CUL3: variants seen among roughly 807,000 people sequenced by gnomAD.
CUL3 encodes the protein cullin 3.
CUL3 carries 19 observed loss-of-function variants against 89.1 expected under a neutral mutation model. The ratio of observed to expected loss-of-function variants is 0.21; its 90% CI spans 0.15 to 0.31. CUL3 has a LOEUF of 0.31. Ranked by LOEUF, CUL3 falls within the 10% of genes least tolerant of loss-of-function variation. CUL3 has a pLI of 1.00. For missense variants in CUL3, 469 were observed against 942.3 expected (o/e 0.50, Z 6.58); for synonymous variants, 351 against 308.4 (o/e 1.14, Z -1.45).
intron 15 of CUL3, among the ~76,000 whole-genome samples, chr2:224,475,428 G>A (rs10933065): frequency 0.2 from 30,993 of 152,146 alleles, 3,437 homozygotes; most frequent in African/African-American, 0.24. Context: ...AGCCAACAGA[G>A]ATGAATCTAA....
At chr2:224,533,153 G>C (rs747987341) in intron 3 of CUL3, 1 of 152,170 alleles carries the variant, frequency 6.6e-6, no homozygotes, top group Non-Finnish European at 1.5e-5. Flanking sequence ...TCTGTGATGC[G>C]ACAAACAGTG....
At chr2:224,558,864 CTACTAAATATACAAAAAATA>C (rs573417854) in intron 1 of CUL3, among the ~76,000 whole-genome samples, 112,019 of 149,454 alleles carry the variant, frequency 0.75, 42,618 homozygotes, top group African/African-American at 0.89. Context: ...AATACGGTCT[CTACTAAATATACAAAAAATA>C]TACTAAATAT....
At chr2:224,477,359 CTGT>C (rs1691361535) in intron 15 of CUL3, among the ~76,000 whole-genome samples, 1 of 152,194 alleles carries the variant, frequency 6.6e-6, no homozygotes. Flanking sequence ...TAAAGAGTTT[CTGT>C]TGTTACACTC....
intron 3 of CUL3, among the ~76,000 whole-genome samples, chr2:224,530,444 A>T (rs1303540087): frequency 6.6e-6 from 1 of 151,044 alleles, no homozygotes; most frequent in Non-Finnish European, 1.5e-5. Context: ...AAGTCTTACA[A>T]AAAAAAAAGT....
At position 224,513,062 on chromosome 2, in the gene CUL3, C is replaced by T. The variant is rs1310046141; in HGVS notation, c.654+462G>A. On this transcript the variant is annotated intron_variant, in intron 5 of 15. Transcript: ENST00000264414. ...GAACAGTAAATTACAGTTTATCTTC[C>T]GTGTAATGGTGTTAATAACACTTTC... 9.9e-5 allele frequency among the ~76,000 whole-genome samples: 15 copies of T among 152,092 alleles called. 1 individual carries two copies. The highest frequency in any genetic ancestry group is 9.2e-4 in the Admixed American group (14 of 15,270).
rs770315174 is a variant in CUL3 at position 224,472,207 on chromosome 2, TA to T, written c.*2037del. ...GCTCCAAAGTTAACAAGTATGTCTC[TA>T]AACTCTAGATCTGATTTTTACAGCC... On this transcript the variant is annotated 3_prime_UTR_variant, in exon 16 of 16. Transcript: ENST00000264414. The T allele has an allele frequency of 4.0e-5, 9 of 224,090 alleles. No individual in the cohort carries two copies. Among genetic ancestry groups the T allele is most frequent in the Non-Finnish European group, 6.2e-5 (7 of 112,496 alleles). The allele number at this position is 224,090 out of a possible 1,614,324, so 13.9% of individuals were successfully genotyped here.
chr2:224,522,071 A>T (rs1190353702), intron 3 of CUL3, among the ~76,000 whole-genome samples: 5 of 95,012 alleles, frequency 5.3e-5, no homozygotes, highest in South Asian at 3.7e-4. Context: ...ATTTAAAATT[A>T]AAAAAAAAAA....
At chr2:224,500,269 A>C in intron 11 of CUL3, 94 bp downstream of exon 11, 1 of 1,412,962 alleles carries the variant, frequency 7.1e-7, no homozygotes, top group Non-Finnish European at 9.8e-7. Flanking sequence ...AATGGAATAC[A>C]TTCATCCTCA....
At chr2:224,543,034 A>T (rs1398554575) in intron 2 of CUL3, among the ~76,000 whole-genome samples, 1 of 152,238 alleles carries the variant, frequency 6.6e-6, no homozygotes, top group East Asian at 1.9e-4. Context: ...TCATTAATTA[A>T]AATTTTTTCA....
At chr2:224,478,443 A>T (rs1691404227) in intron 14 of CUL3, 98 bp from the exon 15 acceptor site, 1 of 1,155,356 alleles carries the variant, frequency 8.7e-7, no homozygotes, top group African/African-American at 1.6e-5. Context: ...GATAAAAACC[A>T]ATTTCAGCCT....
intron 2 of CUL3, among the ~76,000 whole-genome samples, chr2:224,551,355 G>T (rs532414713): frequency 6.6e-6 from 1 of 151,964 alleles, no homozygotes; most frequent in African/African-American, 2.4e-5. Flanking sequence ...ACAGGTGCCC[G>T]CCACCACGTC....
intron 1 of CUL3, among the ~76,000 whole-genome samples, chr2:224,583,897 T>C (rs1028680770): frequency 6.6e-6 from 1 of 152,246 alleles, no homozygotes; most frequent in South Asian, 2.1e-4. Flanking sequence ...GAAGTATTTA[T>C]GAATCTAAGA....
rs2106196673 is a variant in CUL3, at chr2:224,503,684, C to A, written c.1345G>T (p.Asp449Tyr). The A allele has an allele frequency of 1.3e-6, 2 of 1,596,082 alleles. No homozygotes were observed. Among genetic ancestry groups the A allele is most frequent in the South Asian group, 1.2e-5 (1 of 86,918 alleles). Residue 449 changes from aspartate (D) to tyrosine (Y), a missense_variant, in exon 9 of 16, where the codon GAC (aspartate) becomes TAC (tyrosine). Asp to Tyr is a radical substitution (Grantham distance 160). Coordinates refer to ENST00000264414, the MANE Select transcript of CUL3 (RefSeq NM_003590.5). ...TTAGATATCATGTTTTTTTCAGAGT[C>A]ATCAGAAACACTTTTATTTGTGAGA... ...RLLTNKSVSD[D>Y]SEKNMISKLK...
At chr2:224,517,024 GAAC>G (rs1693078901) in intron 3 of CUL3, among the ~76,000 whole-genome samples, 1 of 152,092 alleles carries the variant, frequency 6.6e-6, no homozygotes. Context: ...TCTCAGCACA[GAAC>G]AATATGTACA....
At chr2:224,503,595 C>A (rs1692480209) in intron 9 of CUL3, 57 bp downstream of exon 9, 1 of 1,357,352 alleles carries the variant, frequency 7.4e-7, no homozygotes, top group Non-Finnish European at 9.9e-7. Context: ...GTTGTCAGTA[C>A]ACAATCATAA....
At chr2:224,516,625 C>A (rs988510401) in intron 3 of CUL3, among the ~76,000 whole-genome samples, 16 of 150,862 alleles carry the variant, frequency 1.1e-4, no homozygotes, top group African/African-American at 3.9e-4. Context: ...TCCCTCCTTG[C>A]TTTTGATGGC....
intron 12 of CUL3, 94 bp downstream of exon 12, chr2:224,497,658 GA>G: frequency 1.1e-6 from 1 of 884,266 alleles, no homozygotes; most frequent in East Asian, 2.6e-5. Flanking sequence ...CAGAGAAACA[GA>G]AGTAAGTAAT....
At chr2:224,534,942 A>C (rs1199103037) in intron 3 of CUL3, among the ~76,000 whole-genome samples, 1 of 151,738 alleles carries the variant, frequency 6.6e-6, no homozygotes, top group East Asian at 1.9e-4. Flanking sequence ...CAGAGCTTGC[A>C]GTGAGCCGAG....
At chr2:224,542,301 A>G (rs1209788440) in intron 2 of CUL3, among the ~76,000 whole-genome samples, 1 of 152,202 alleles carries the variant, frequency 6.6e-6, no homozygotes, top group Non-Finnish European at 1.5e-5. Flanking sequence ...AGCAAAGATT[A>G]AAGTGGAATT....
Sources: allele counts gnomAD v4.1 joint callset (sites outside exome capture counted in the v4.1 genomes callset), GRCh38; gene constraint gnomAD v4.1.1; transcripts MANE v1.5; gene names NCBI Gene and HGNC (gene_info 2026-07-23, HGNC 2026-07-21).